Variants in TRAPPC8 observed in about 807,000 individuals in gnomAD.
TRAPPC8 encodes the protein trafficking protein particle complex subunit 8.
A neutral mutation model predicts 174.3 loss-of-function variants in TRAPPC8; 54 were observed. The ratio of observed to expected loss-of-function variants is 0.31; its 90% confidence interval spans 0.25 to 0.39. The LOEUF (loss-of-function observed/expected upper bound fraction) is 0.39, where lower values mean the gene tolerates loss of function less well. TRAPPC8 is among the 10% of genes least tolerant of loss of function. TRAPPC8 has a pLI of 1.00. For missense variants in TRAPPC8, 1,531 were observed against 1,699.1 expected (o/e 0.90, Z 1.74); for synonymous variants, 630 against 579.9 (o/e 1.09, Z -1.24).
At chr18:31,889,282 C>G (rs2035856411) in intron 12 of TRAPPC8, among the ~76,000 whole-genome samples, 1 of 152,160 alleles carries the variant, frequency 6.6e-6, no homozygotes, top group Non-Finnish European at 1.5e-5. Context: ...GCATTTTTAA[C>G]TTGTTAGGTA....
At position 31,942,674 on chromosome 18, in the gene TRAPPC8, G is replaced by A. The variant is rs2038400831; in HGVS notation, c.91C>T (p.Leu31Phe). Residue 31 changes from leucine to phenylalanine, a missense_variant, in exon 1 of 29, where the codon CTC becomes TTC. Transcript: ENST00000283351. ...AAGCTGAGGTGATTGAGACGAGTGAGCCGCTCGGCTTCGTCGCTGCACAGC... is the reference window on the plus strand; with the variant it reads ...AAGCTGAGGTGATTGAGACGAGTGAACCGCTCGGCTTCGTCGCTGCACAGC... ...AALCSDEAER[L>F]TRLNHLSFAE... 6.2e-7 allele frequency: 1 copy of A among 1,610,960 alleles called. No individual in the cohort carries two copies. The highest frequency in any genetic ancestry group is 8.5e-7 in the Non-Finnish European group (1 of 1,178,644).
rs536271689 is a variant in TRAPPC8 at position 31,904,956 on chromosome 18, G to A, written c.1389+2504C>T. On this transcript the variant is annotated intron_variant, in intron 9 of 28. Coordinates refer to ENST00000283351, the MANE Select transcript of TRAPPC8 (RefSeq NM_014939.5). The stretch of plus-strand genomic sequence containing the variant: ...GAGGCAGGAGGATCACTTGAACCCA[G>A]GAGGTGGAGGATGCAGTGAGCTGAG... Among the ~76,000 whole-genome samples, 38 of 151,986 alleles carry A rather than the reference G, an allele frequency of 2.5e-4. 1 individual carries two copies. Among genetic ancestry groups the A allele is most frequent in the African/African-American group, 8.9e-4 (37 of 41,426 alleles).
chr18:31,857,765 G>C lies in TRAPPC8; in HGVS notation c.2963C>G (p.Ala988Gly), dbSNP rs1230025076. 6.2e-7 allele frequency: 1 copy of C among 1,614,104 alleles called. No homozygotes were observed. The change falls in exon 20 of 29, where the codon GCT becomes GGT. Residue 988 changes from alanine to glycine, a missense_variant. By Grantham distance (60) the Ala-to-Gly change is moderately conservative. Coordinates refer to ENST00000283351, the MANE Select transcript of TRAPPC8 (RefSeq NM_014939.5). ...TATGAGTGCTGTACACACAGAGGTAGCATCTGTCACAACAGTCTTGTAAGC... is the reference window on the plus strand; with the variant it reads ...TATGAGTGCTGTACACACAGAGGTACCATCTGTCACAACAGTCTTGTAAGC... ...CSAYKTVVTDATSVCTALISS... is the reference protein window; with the variant it reads ...CSAYKTVVTDGTSVCTALISS...
At chr18:31,836,298 C>G (rs566968817) in intron 27 of TRAPPC8, among the ~76,000 whole-genome samples, 28 of 152,016 alleles carry the variant, frequency 1.8e-4, no homozygotes, top group African/African-American at 6.8e-4. Flanking sequence ...TTTTCACATA[C>G]TTCCATGCAG....
At chr18:31,838,422 C>A (rs1341764773) in intron 27 of TRAPPC8, among the ~76,000 whole-genome samples, 1 of 152,216 alleles carries the variant, frequency 6.6e-6, no homozygotes, top group African/African-American at 2.4e-5. Flanking sequence ...ATCTTTCCAT[C>A]TACTAAGGAT....
At chr18:31,921,166 CA>C (rs1316318050) in intron 2 of TRAPPC8, among the ~76,000 whole-genome samples, 1 of 150,884 alleles carries the variant, frequency 6.6e-6, no homozygotes, top group Non-Finnish European at 1.5e-5. Flanking sequence ...CATTTTTGTG[CA>C]AAAAAAGGAA....
intron 1 of TRAPPC8, among the ~76,000 whole-genome samples, chr18:31,937,335 G>C (rs953563026): frequency 1.3e-5 from 2 of 152,112 alleles, no homozygotes; most frequent in African/African-American, 4.8e-5. Context: ...GTTTGAGACC[G>C]GCTGGGCAGC....
At chr18:31,923,861 A>AC (rs2037493665) in intron 2 of TRAPPC8, among the ~76,000 whole-genome samples, 1 of 152,158 alleles carries the variant, frequency 6.6e-6, no homozygotes, top group Non-Finnish European at 1.5e-5. Context: ...TCTAAAAATA[A>AC]TAAGGCCGGG....
rs775085109 is a variant in TRAPPC8 at position 31,913,529 on chromosome 18, C to T, written c.618-7G>A. On this transcript the variant is annotated splice_region_variant and splice_polypyrimidine_tract_variant and intron_variant, in intron 4 of 28. Transcript: ENST00000283351. ...TTCATAAATTGATTCAGCTCTAAAA[C>T]AGAAAATGGAAAAAAATCTGAAGTA... is the stretch of plus-strand genomic sequence containing the variant. 6.4e-7 allele frequency: 1 copy of T among 1,568,354 alleles called. No homozygotes were observed. Among genetic ancestry groups the T allele is most frequent in the East Asian group, 2.3e-5 (1 of 44,134 alleles).
chr18:31,903,711 C>T (rs1442151915), intron 9 of TRAPPC8, among the ~76,000 whole-genome samples: 3 of 152,070 alleles, frequency 2.0e-5, no homozygotes, highest in Non-Finnish European at 2.9e-5. Context: ...CTGTCAATTT[C>T]CTAGATCATA....
chr18:31,901,082 G>A, intron 9 of TRAPPC8, 57 bp from the exon 10 acceptor site: 1 of 1,429,932 alleles, frequency 7.0e-7, no homozygotes, highest in Non-Finnish European at 9.5e-7. Flanking sequence ...TTACAGTTTA[G>A]ATGGGAAACT....
At chr18:31,902,256 G>A (rs775920980) in intron 9 of TRAPPC8, among the ~76,000 whole-genome samples, 12 of 152,310 alleles carry the variant, frequency 7.9e-5, no homozygotes, top group Admixed American at 2.0e-4. Flanking sequence ...GCTTGAACCC[G>A]GGAAGCGGGG....
chr18:31,867,031 A>G (rs2034620423), intron 17 of TRAPPC8, 56 bp from the exon 18 acceptor site: 5 of 1,571,036 alleles, frequency 3.2e-6, no homozygotes. Flanking sequence ...TAAATAGCAC[A>G]ATACCTAATT....
At chr18:31,880,090 A>AAAAATATATATATAT (rs1259899654) in intron 12 of TRAPPC8, among the ~76,000 whole-genome samples, 3 of 85,378 alleles carry the variant, frequency 3.5e-5, no homozygotes, top group African/African-American at 1.0e-4. Context: ...TGAAAAAAAA[A>AAAAATATATATATAT]ATATATATAT....
chr18:31,836,615 T>C (rs1190034340), intron 27 of TRAPPC8, among the ~76,000 whole-genome samples: 1 of 152,154 alleles, frequency 6.6e-6, no homozygotes, highest in Non-Finnish European at 1.5e-5. Flanking sequence ...TCAATAAGGA[T>C]AAAACACAAA....
At chr18:31,851,817 A>G (rs1258115549) in intron 24 of TRAPPC8, among the ~76,000 whole-genome samples, 1 of 152,152 alleles carries the variant, frequency 6.6e-6, no homozygotes, top group Non-Finnish European at 1.5e-5. Flanking sequence ...GTTATCATCT[A>G]TATATTCCAT....
At chr18:31,832,394 A>C (rs1168541657) in intron 27 of TRAPPC8, 1 of 195,138 alleles carries the variant, frequency 5.1e-6, no homozygotes, top group Non-Finnish European at 1.0e-5. Context: ...GAATATATAC[A>C]TTCACAGAAC....
At chr18:31,936,778 T>C (rs2038117042) in intron 1 of TRAPPC8, among the ~76,000 whole-genome samples, 1 of 151,380 alleles carries the variant, frequency 6.6e-6, no homozygotes, top group Admixed American at 6.6e-5. Context: ...GGCCCGTGCC[T>C]GTAATGCCAG....
At chr18:31,894,433 A>G (rs1186171447) in intron 11 of TRAPPC8, among the ~76,000 whole-genome samples, 1 of 152,174 alleles carries the variant, frequency 6.6e-6, no homozygotes, top group Non-Finnish European at 1.5e-5. Flanking sequence ...ATTTCATACT[A>G]TCGAATAACA....
Sources: allele counts gnomAD v4.1 joint callset (sites outside exome capture counted in the v4.1 genomes callset), GRCh38; gene constraint gnomAD v4.1.1; transcripts MANE v1.5; gene names NCBI Gene and HGNC (gene_info 2026-07-23, HGNC 2026-07-21).